The following CELSR1 variants were observed in gnomAD, a reference collection of about 807,000 sequenced individuals.
CELSR1 encodes adhesion G protein-coupled receptor C1.
In CELSR1, 110 loss-of-function variants were observed where a neutral mutation model predicts 249.1. The ratio of observed to expected loss-of-function variants is 0.44; its 90% CI spans 0.38 to 0.52. The LOEUF is 0.52. CELSR1 is among the 20% of genes least tolerant of loss of function. The pLI is 0.00. For missense variants in CELSR1, 4,109 were observed against 4,296.4 expected (o/e 0.96, Z 1.22); for synonymous variants, 2,113 against 1,900.0 (o/e 1.11, Z -2.92).
Position 46,397,868 on chromosome 22 carries a change from C to T in CELSR1, c.5527-20G>A, listed in dbSNP as rs776404067. ...CACTCCCTGCATTAAGTAAACGGCA[C>T]TGGGGCTACAGGAGCCCGGAAAGGT... On this transcript the variant is annotated intron_variant, in intron 11 of 34. Coordinates refer to ENST00000674500, the MANE Select transcript of CELSR1 (RefSeq NM_001378328.1). 5 of 1,516,934 alleles carry T rather than the reference C, an allele frequency of 3.3e-6. No homozygotes were observed. In the African/African-American group the frequency reaches 5.6e-5, roughly 17 times the overall value. The allele number at this position is 1,516,934 out of a possible 1,614,324, so 94.0% of individuals were successfully genotyped here. A position where few individuals can be genotyped will look rare whatever the true frequency, so the allele number is the denominator to read the frequency against.
chr22:46,369,445 G>C (rs1602028090), intron 26 of CELSR1, among the ~76,000 whole-genome samples, 187 bp from the exon 27 acceptor site: 1 of 152,336 alleles, frequency 6.6e-6, no homozygotes, highest in South Asian at 2.1e-4. Context: ...CACCCAGCCT[G>C]CCTGTGCGGG....
chr22:46,365,660 G>T lies in CELSR1; in HGVS notation c.8330C>A (p.Ser2777Tyr). The change falls in exon 31 of 35, where the codon TCC becomes TAC. Residue 2777 changes from serine (S) to tyrosine (Y), a missense_variant. Coordinates refer to ENST00000674500, the MANE Select transcript of CELSR1 (RefSeq NM_001378328.1). ...GTGGCTGCCCCTCACCAGCCCAGAG[G>T]ACACGCCGAGCTTCTGGATCCCTTC... is the stretch of plus-strand genomic sequence containing the variant. ...RDEGIQKLGV[S>Y]SGLVRGSHGE... 6.3e-7 allele frequency: 1 copy of T among 1,584,778 alleles called. No individual in the cohort carries two copies. The highest frequency in any genetic ancestry group is 1.2e-5 in the South Asian group (1 of 86,728).
At position 46,432,506 on chromosome 22, in the gene CELSR1, C is replaced by T. The variant is rs927950225; in HGVS notation, c.4611+887G>A. Among the ~76,000 whole-genome samples, 5 of 152,284 alleles carry T rather than the reference C, an allele frequency of 3.3e-5. No individual in the cohort carries two copies. In the South Asian group the frequency reaches 6.2e-4, roughly 19 times the overall value. On this transcript the variant is annotated intron_variant, in intron 5 of 34. Coordinates refer to ENST00000674500, the MANE Select transcript of CELSR1 (RefSeq NM_001378328.1). The stretch of plus-strand genomic sequence containing the variant: ...AGCCGGTAAGACCCACGCAGACCCA[C>T]GAGCAAGCGGGGGCACACCCTGGAG...
chr22:46,534,948 GC>G lies in CELSR1; in HGVS notation c.2222del (p.Gly741AlafsTer22). ...NRFALSSQRG[G>X]GLITLALPLD... ...GAGGTAGCGCCAGGGTGATGAGGCCGCCCCCTCTCTGGCTGCTGAGTGCAAA... is the reference window on the plus strand; with the variant it reads ...GAGGTAGCGCCAGGGTGATGAGGCCGCCCCTCTCTGGCTGCTGAGTGCAAA... On this transcript the variant is annotated frameshift_variant, in exon 1 of 35. Coordinates refer to ENST00000674500, the MANE Select transcript of CELSR1 (RefSeq NM_001378328.1). LOFTEE classifies it high-confidence loss of function. The surrounding 1 kb of genome is among the most constrained non-coding windows in gnomAD (Gnocchi z 9.7). 1 of 1,612,238 alleles carries G rather than the reference GC, an allele frequency of 6.2e-7. No homozygotes were observed.
At position 46,447,710 on chromosome 22, in the gene CELSR1, C is replaced by G. The variant is rs1602149287; in HGVS notation, c.4184-8299G>C. ...CGATCTCGGCTCACAACCTCCACCT[C>G]CCAGGTTCAAGCGATTCTCCTGCCT... is the stretch of plus-strand genomic sequence containing the variant. On this transcript the variant is annotated intron_variant, in intron 2 of 34. Coordinates refer to ENST00000674500, the MANE Select transcript of CELSR1 (RefSeq NM_001378328.1). This position sits in a 1 kb window ranked among gnomAD's most constrained non-coding sequence, Gnocchi z 4.7. Among the ~76,000 whole-genome samples, 1 of 152,194 alleles carries G rather than the reference C, an allele frequency of 6.6e-6. No individual in the cohort carries two copies. The highest frequency in any genetic ancestry group is 2.4e-5 in the African/African-American group (1 of 41,444).
chr22:46,515,216 T>C (rs920384240), intron 1 of CELSR1, among the ~76,000 whole-genome samples: 1 of 152,164 alleles, frequency 6.6e-6, no homozygotes, highest in African/African-American at 2.4e-5. Context: ...TGGGACCTCA[T>C]GGCCCTGCCC....
intron 19 of CELSR1, among the ~76,000 whole-genome samples, chr22:46,385,546 C>T (rs2079022964): frequency 6.6e-6 from 1 of 152,194 alleles, no homozygotes; most frequent in African/African-American, 2.4e-5. Flanking sequence ...CTGCCGGACC[C>T]CCAAGATCAT....
chr22:46,366,862 C>CG, intron 29 of CELSR1, 131 bp downstream of exon 29: 1 of 1,298,746 alleles, frequency 7.7e-7, no homozygotes, highest in South Asian at 1.5e-5. Flanking sequence ...CCGTGCACCG[C>CG]GGGCGGCTCT....
chr22:46,468,644 G>A lies in CELSR1; in HGVS notation c.3545-4299C>T, dbSNP rs2080123257. On this transcript the variant is annotated intron_variant, in intron 1 of 34. Transcript: ENST00000674500. The surrounding 1 kb of genome is among the most constrained non-coding windows in gnomAD (Gnocchi z 4.5). ...GTTGTTTAGTGGGTGTGGGGTTTCAGTTTGGGGCCATGAAAAAGTTCTGGA... is the reference window on the plus strand; with the variant it reads ...GTTGTTTAGTGGGTGTGGGGTTTCAATTTGGGGCCATGAAAAAGTTCTGGA... 6.6e-6 allele frequency among the ~76,000 whole-genome samples: 1 copy of A among 152,156 alleles called. No homozygotes were observed. Among genetic ancestry groups the A allele is most frequent in the South Asian group, 2.1e-4 (1 of 4,830 alleles).
chr22:46,433,594 T>C lies in CELSR1; in HGVS notation c.4523-113A>G, dbSNP rs2147434032. On this transcript the variant is annotated intron_variant, in intron 4 of 34. Transcript: ENST00000674500. The surrounding 1 kb of genome is among the most constrained non-coding windows in gnomAD (Gnocchi z 5.7). Reference sequence around the variant, plus strand: ...GAGACAGGTGCACATGGCCACGTCCTCCCTCCCCTCCCCACGGCACCATGG... The same window carrying C: ...GAGACAGGTGCACATGGCCACGTCCCCCCTCCCCTCCCCACGGCACCATGG... The C allele has an allele frequency of 1.4e-6, 1 of 696,736 alleles. No individual in the cohort carries two copies. Among genetic ancestry groups the C allele is most frequent in the East Asian group, 2.8e-5 (1 of 35,984 alleles). The allele number at this position is 696,736 out of a possible 1,614,324, so 43.2% of individuals were successfully genotyped here.
In CELSR1 at chr22:46,536,328, G is replaced by C; in HGVS notation, c.843C>G (p.Ser281Arg). The C allele has an allele frequency of 6.2e-7, 1 of 1,612,730 alleles. No homozygotes were observed. Among genetic ancestry groups the C allele is most frequent in the East Asian group, 2.2e-5 (1 of 44,876 alleles). ...CGTCGAACAGCCCCTCCATGTAATAGCTCACGCGCTCCTCCTCGCCCTCGA... is the reference window on the plus strand; with the variant it reads ...CGTCGAACAGCCCCTCCATGTAATACCTCACGCGCTCCTCCTCGCCCTCGA... ...YTIEGEEERVSYYMEGLFDER... is the reference protein window; with the variant it reads ...YTIEGEEERVRYYMEGLFDER... Residue 281 changes from serine (S) to arginine (R), a missense_variant, in exon 1 of 35, where the codon AGC (serine) becomes AGG (arginine). Ser to Arg is a moderately radical substitution (Grantham distance 110). Around this residue, in one of 7 missense-constraint regions of CELSR1, gnomAD observed 673 missense variants for 636.8 expected, o/e 1.06. Coordinates refer to ENST00000674500, the MANE Select transcript of CELSR1 (RefSeq NM_001378328.1).
intron 18 of CELSR1, among the ~76,000 whole-genome samples, chr22:46,388,718 G>A (rs773709055): frequency 7.9e-5 from 12 of 152,220 alleles, no homozygotes; most frequent in Non-Finnish European, 1.6e-4. Context: ...ATATCAGGCT[G>A]CGTGAGTCCC....
At position 46,488,628 on chromosome 22, in the gene CELSR1, G is replaced by T. The variant is rs572650500; in HGVS notation, c.3545-24283C>A. ...AGTCCCCAGAAGCAGCAGTTTCTAC[G>T]GCACAGCAGTGACCACTCCCGTGCC... On this transcript the variant is annotated intron_variant, in intron 1 of 34. Transcript: ENST00000674500. The surrounding 1 kb of genome is among the most constrained non-coding windows in gnomAD (Gnocchi z 4.7). 6.6e-6 allele frequency among the ~76,000 whole-genome samples: 1 copy of T among 151,612 alleles called. No individual in the cohort carries two copies. The highest frequency in any genetic ancestry group is 2.1e-4 in the South Asian group (1 of 4,792).
chr22:46,469,608 C>A (rs957432510), intron 1 of CELSR1, among the ~76,000 whole-genome samples: 1 of 152,056 alleles, frequency 6.6e-6, no homozygotes, highest in African/African-American at 2.4e-5. Flanking sequence ...CTCCACCTCC[C>A]AAATTCAAGT....
intron 2 of CELSR1, among the ~76,000 whole-genome samples, chr22:46,451,598 T>C (rs909855): frequency 0.98 from 149,202 of 152,140 alleles, 73,168 homozygotes; most frequent in East Asian, 1. Flanking sequence ...CGGGCCCAGG[T>C]GACCCCAGCC....
At chr22:46,371,636 C>T (rs2147182402) in intron 25 of CELSR1, among the ~76,000 whole-genome samples, 1 of 150,782 alleles carries the variant, frequency 6.6e-6, no homozygotes, top group Middle Eastern at 3.5e-3. Flanking sequence ...CCACCCATTT[C>T]ATCCATCCAT....
chr22:46,535,712 C>G lies in CELSR1; in HGVS notation c.1459G>C (p.Asp487His). The G allele has an allele frequency of 6.2e-7, 1 of 1,612,822 alleles. No individual in the cohort carries two copies. Residue 487 changes from aspartate (D) to histidine (H), a missense_variant, in exon 1 of 35, where the codon GAC (aspartate) becomes CAC (histidine). This residue lies in a region of CELSR1 where 135 missense variants were observed against 190.0 expected (regional missense o/e 0.71). Transcript: ENST00000674500. ...TGAATGGCCGCGTTCTGGCCCTGGT[C>G]CCGGTCCGTGGCCTGCACTCGCAGC... The part of the protein sequence containing the change: ...AVLRVQATDR[D>H]QGQNAAIHYS...
In CELSR1 at chr22:46,373,031, G is replaced by A. The variant is rs142632769; in HGVS notation, c.7611C>T (p.Leu2537=). 2.5e-6 allele frequency: 4 copies of A among 1,610,878 alleles called. No individual in the cohort carries two copies. In the African/African-American group the frequency reaches 4.0e-5, roughly 16 times the overall value. ...AGGTGCTCATGTAGATGTAGTGGAG[G>A]AGGATGGCAACCACTGTGCACAGAA... ...NPFLCTVVAI[L]LHYIYMSTFA... The change falls in exon 25 of 35, where the codon CTC becomes CTT. Residue 2537 remains leucine (L), a synonymous_variant. Coordinates refer to ENST00000674500, the MANE Select transcript of CELSR1 (RefSeq NM_001378328.1).
Position 46,381,908 on chromosome 22 carries a change from G to A in CELSR1, c.7026C>T (p.Ile2342=). The A allele has an allele frequency of 6.3e-7, 1 of 1,575,232 alleles. No individual in the cohort carries two copies. Residue 2342 remains isoleucine (I), a synonymous_variant, in exon 21 of 35, where the codon ATC becomes ATT. Transcript: ENST00000674500. This position sits in a 1 kb window ranked among gnomAD's most constrained non-coding sequence, Gnocchi z 6.0. ...DAGQFAVALV[I]IYRTLGQLLP... Reference sequence around the variant, plus strand: ...GGAGCTGCCCCAGGGTGCGGTAAATGATGACCAGAGCGACGGCGAACTGGC... The same window carrying A: ...GGAGCTGCCCCAGGGTGCGGTAAATAATGACCAGAGCGACGGCGAACTGGC...
Sources: allele counts gnomAD v4.1 joint callset (sites outside exome capture counted in the v4.1 genomes callset), GRCh38; gene constraint gnomAD v4.1.1; regional missense constraint gnomAD v4.1.1; non-coding constraint Gnocchi (gnomAD v3.1); transcripts MANE v1.5; gene names NCBI Gene and HGNC (gene_info 2026-07-23, HGNC 2026-07-21).